The following ECHDC1 variants were observed in gnomAD, a reference collection of about 807,000 sequenced individuals.
ECHDC1 encodes ethylmalonyl-CoA decarboxylase 1, also known as ethylmalonyl-CoA decarboxylase.
Under a neutral mutation model 29.7 loss-of-function variants are expected in ECHDC1, and 29 were observed. The ratio of observed to expected loss-of-function variants is 0.98; its 90% CI spans 0.73 to 1.33. The LOEUF is 1.33. ECHDC1 is among the 40% of genes most tolerant of loss of function. The pLI, the probability that ECHDC1 is intolerant of heterozygous loss-of-function variation, is 0.00. For synonymous variants in ECHDC1, 126 were observed against 123.1 expected (o/e 1.02, Z -0.15); for missense variants, 328 against 350.0 (o/e 0.94, Z 0.50).
intron 1 of ECHDC1, among the ~76,000 whole-genome samples, chr6:127,340,891 T>G (rs926667860): frequency 6.6e-6 from 1 of 152,186 alleles, no homozygotes; most frequent in African/African-American, 2.4e-5. Flanking sequence ...CTGCTCTCAT[T>G]GTAAAGGGTC....
chr6:127,333,932 G>A (rs987158927), intron 1 of ECHDC1, among the ~76,000 whole-genome samples: 4 of 152,030 alleles, frequency 2.6e-5, no homozygotes, highest in Non-Finnish European at 5.9e-5. Context: ...AATGTCTAAC[G>A]AAGATAAACC....
intron 5 of ECHDC1, among the ~76,000 whole-genome samples, chr6:127,293,980 C>A (rs1322842826): frequency 6.6e-6 from 1 of 151,976 alleles, no homozygotes; most frequent in Non-Finnish European, 1.5e-5. Context: ...TTTTATATTG[C>A]CAAATAAAGT....
rs186739161 is a variant in ECHDC1 at position 127,317,192 on chromosome 6, A to G, written c.364-690T>C. On this transcript the variant is annotated intron_variant, in intron 3 of 5. Transcript: ENST00000454859. The stretch of plus-strand genomic sequence containing the variant: ...CTCATATTTGCTCTCACTTTCTAGC[A>G]ACATTTACACACCTGGTTCTCTTAT... Among the ~76,000 whole-genome samples the G allele has an allele frequency of 2.4e-3, 362 of 152,174 alleles. 5 individuals are homozygous for G. The highest frequency in any genetic ancestry group is 0.02 in the Admixed American group (312 of 15,286).
chr6:127,312,644 C>G (rs188570558), intron 5 of ECHDC1, among the ~76,000 whole-genome samples: 199 of 152,260 alleles, frequency 1.3e-3, no homozygotes, highest in African/African-American at 4.5e-3. Flanking sequence ...ATGTTCACAA[C>G]AGCTTTATTT....
chr6:127,335,774 T>C (rs1482252165), intron 1 of ECHDC1, among the ~76,000 whole-genome samples: 1 of 152,078 alleles, frequency 6.6e-6, no homozygotes, highest in Non-Finnish European at 1.5e-5. Context: ...AGGAAAGTGG[T>C]CAAATGTTAC....
chr6:127,337,750 TG>T (rs2114708674), intron 1 of ECHDC1, among the ~76,000 whole-genome samples: 1 of 152,324 alleles, frequency 6.6e-6, no homozygotes, highest in East Asian at 1.9e-4. Context: ...GATGTATTTA[TG>T]TTTGTAATCT....
intron 1 of ECHDC1, among the ~76,000 whole-genome samples, chr6:127,341,983 T>TC (rs1482629373): frequency 6.6e-6 from 1 of 152,244 alleles, no homozygotes; most frequent in Non-Finnish European, 1.5e-5. Context: ...CACAACTCTC[T>TC]CCCTCACACA....
At chr6:127,338,239 GT>G (rs1159152992) in intron 1 of ECHDC1, among the ~76,000 whole-genome samples, 1 of 152,112 alleles carries the variant, frequency 6.6e-6, no homozygotes, top group Non-Finnish European at 1.5e-5. Flanking sequence ...TCACCCCATT[GT>G]TAGCGATTTC....
chr6:127,328,760 C>T (rs1242180820), intron 2 of ECHDC1, among the ~76,000 whole-genome samples: 2 of 152,202 alleles, frequency 1.3e-5, no homozygotes, highest in Non-Finnish European at 2.9e-5. Flanking sequence ...GGTGCAGTGG[C>T]TCACGCCTGT....
At chr6:127,335,273 C>A (rs555222085) in intron 1 of ECHDC1, among the ~76,000 whole-genome samples, 94 of 152,130 alleles carry the variant, frequency 6.2e-4, no homozygotes, top group Middle Eastern at 6.8e-3. Flanking sequence ...ACATATATTT[C>A]AAAAACTTGA....
intron 3 of ECHDC1, among the ~76,000 whole-genome samples, chr6:127,321,580 T>C (rs1189776970): frequency 2.0e-5 from 3 of 152,264 alleles, no homozygotes; most frequent in Non-Finnish European, 2.9e-5. Flanking sequence ...TATGTATTGT[T>C]ACAATTCTTA....
chr6:127,320,269 G>A (rs899960810), intron 3 of ECHDC1, among the ~76,000 whole-genome samples: 7 of 152,050 alleles, frequency 4.6e-5, no homozygotes, highest in African/African-American at 1.7e-4. Context: ...TGCCCACCTC[G>A]GCCTCCCAAA....
At position 127,327,062 on chromosome 6, in the gene ECHDC1, T is replaced by C. The variant is rs893562439; in HGVS notation, c.303A>G (p.Ala101=). 12 of 1,614,138 alleles carry C rather than the reference T, an allele frequency of 7.4e-6. No individual in the cohort carries two copies. The highest frequency in any genetic ancestry group is 1.0e-5 in the Non-Finnish European group (12 of 1,180,004). Residue 101 remains alanine, a synonymous_variant, in exon 3 of 6, where the codon GCA becomes GCG. Coordinates refer to ENST00000454859, the MANE Select transcript of ECHDC1 (RefSeq NM_001002030.2). ...CAGATCCTGAAGAGAAAGTATTTTT[T>C]GCCCCACGGACAATGAGGCCTTTCC... ...TEGKGLIVRG[A]KNTFSSGSDL...
rs759011379 is a variant in ECHDC1 at position 127,290,084 on chromosome 6, C to T, written c.691G>A (p.Asp231Asn). ...GMVEEVLQSS[D>N]ETKSLEEAQE... ...GCCTCTTCTAGAGATTTAGTTTCAT[C>T]TGAAGACTGCAAGACCTCTTCAACC... The change falls in exon 6 of 6, where the codon GAT becomes AAT. Residue 231 changes from aspartate (D) to asparagine (N), a missense_variant. By Grantham distance (23) the Asp-to-Asn change is conservative (BLOSUM62 1). Coordinates refer to ENST00000454859, the MANE Select transcript of ECHDC1 (RefSeq NM_001002030.2). The T allele has an allele frequency of 1.2e-6, 2 of 1,613,708 alleles. No individual in the cohort carries two copies. Among genetic ancestry groups the T allele is most frequent in the South Asian group, 2.2e-5 (2 of 91,058 alleles).
rs1279644043 is a variant in ECHDC1, at chr6:127,339,264, AAACAT to A, written c.-3+4067_-3+4071del. 4.0e-5 allele frequency among the ~76,000 whole-genome samples: 6 copies of A among 149,576 alleles called. No individual in the cohort carries two copies. In the East Asian group the frequency reaches 1.2e-3, roughly 29 times the overall value. On this transcript the variant is annotated intron_variant, in intron 1 of 5. Transcript: ENST00000454859. ...TCTTAAAAAATCATGCACAACCAGA[AAACAT>A]AACAGAAAGGTACATACGAGATAAG...
chr6:127,307,648 G>GAAAAAAAAAAAA lies in ECHDC1; in HGVS notation c.497+7156_497+7167dup, dbSNP rs71024770. Reference sequence around the variant, plus strand: ...GGTGACAGAGTGATACTCTGTCTCAGAAAAAAAAAAAAAAGACAGAAAGAA... The same window carrying GAAAAAAAAAAAA: ...GGTGACAGAGTGATACTCTGTCTCAGAAAAAAAAAAAAAAAAAAAAAAAAAAGACAGAAAGAA... On this transcript the variant is annotated intron_variant, in intron 5 of 5. Coordinates refer to ENST00000454859, the MANE Select transcript of ECHDC1 (RefSeq NM_001002030.2). 5.6e-4 allele frequency among the ~76,000 whole-genome samples: 27 copies of GAAAAAAAAAAAA among 48,622 alleles called. 1 individual carries two copies. The highest frequency in any genetic ancestry group is 8.6e-4 in the Non-Finnish European group (20 of 23,312). The allele number at this position is 48,622 out of a possible 152,430, so 31.9% of individuals were successfully genotyped here. A position where few individuals can be genotyped will look rare whatever the true frequency, so the allele number is the denominator to read the frequency against.
intron 5 of ECHDC1, among the ~76,000 whole-genome samples, chr6:127,309,864 T>C (rs565096603): frequency 1.3e-5 from 2 of 152,288 alleles, no homozygotes; most frequent in African/African-American, 4.8e-5. Flanking sequence ...GGAGAAGTGC[T>C]ACACACTTTT....
chr6:127,289,598 A>T lies in ECHDC1; in HGVS notation c.*271T>A. The T allele has an allele frequency of 3.0e-6, 1 of 338,588 alleles. No individual in the cohort carries two copies. The highest frequency in any genetic ancestry group is 5.4e-6 in the Non-Finnish European group (1 of 186,620). 21.0% of individuals were successfully genotyped at this position (338,588 alleles called of 1,614,324 possible). On this transcript the variant is annotated 3_prime_UTR_variant, in exon 6 of 6. Transcript: ENST00000454859. ...TTTTAAACACTGCTCTTTGGTTATA[A>T]GCTAAGAATTATTATTGGAATTGAC...
At chr6:127,297,026 G>GA (rs1245489531) in intron 5 of ECHDC1, among the ~76,000 whole-genome samples, 1 of 151,550 alleles carries the variant, frequency 6.6e-6, no homozygotes, top group Non-Finnish European at 1.5e-5. Flanking sequence ...AAAAAAAAGA[G>GA]AAAAAAAAGA....
Sources: allele counts gnomAD v4.1 joint callset (sites outside exome capture counted in the v4.1 genomes callset), GRCh38; gene constraint gnomAD v4.1.1; transcripts MANE v1.5; gene names NCBI Gene and HGNC (gene_info 2026-07-23, HGNC 2026-07-21).